The following REXO5 variants were observed in gnomAD, a reference collection of about 807,000 sequenced individuals.
REXO5 encodes exonuclease NEF-sp.
A neutral mutation model predicts 88.5 loss-of-function variants in REXO5; 48 were observed. That is an observed-to-expected ratio of 0.54 (90% CI 0.43 to 0.69). The LOEUF (loss-of-function observed/expected upper bound fraction) is 0.69, where lower values mean the gene tolerates loss of function less well. Ranked by LOEUF, REXO5 falls within the 30% of genes least tolerant of loss-of-function variation. REXO5 has a pLI of 0.00. For missense variants in REXO5, 749 were observed against 912.2 expected, an observed-to-expected ratio of 0.82 and a Z score of 2.30; for synonymous variants, 311 against 336.5, an observed-to-expected ratio of 0.92 and a Z score of 0.83.
At chr16:20,840,956 A>G (rs2081518535) in intron 15 of REXO5, among the ~76,000 whole-genome samples, 1 of 152,176 alleles carries the variant, frequency 6.6e-6, no homozygotes, top group Non-Finnish European at 1.5e-5. Flanking sequence ...AAATGATAAA[A>G]TACTCTTTCA....
intron 14 of REXO5, 78 bp downstream of exon 14, chr16:20,839,937 CTTTA>C (rs1298243284): frequency 7.1e-6 from 6 of 841,106 alleles, no homozygotes; most frequent in East Asian, 5.1e-5. Context: ...GTAATACATG[CTTTA>C]TTTAATTTGT....
In REXO5 at chr16:20,840,432, A is replaced by G. The variant is rs762324334; in HGVS notation, c.1590A>G (p.Pro530=). ...ALKRLFKSFG[P]VQSMTFVLET... ...AGAGGCTGTTTAAAAGCTTTGGCCC[A>G]GTCCAGTCAATGACTTTTGTTCTTG... Residue 530 remains proline (P), a synonymous_variant, in exon 15 of 20, where the codon CCA becomes CCG. Coordinates refer to ENST00000261377, the MANE Select transcript of REXO5 (RefSeq NM_030941.3). 1 of 1,565,452 alleles carries G rather than the reference A, an allele frequency of 6.4e-7. No individual in the cohort carries two copies. The highest frequency in any genetic ancestry group is 1.2e-5 in the South Asian group (1 of 83,786).
intron 3 of REXO5, 38 bp from the exon 4 acceptor site, chr16:20,814,889 C>G (rs751046380): frequency 5.7e-6 from 9 of 1,582,016 alleles, no homozygotes; most frequent in Admixed American, 1.8e-5. Flanking sequence ...TGACTTAAGG[C>G]CATCTGTCTT....
In REXO5 at chr16:20,839,894, G is replaced by A. The variant is rs1007631305; in HGVS notation, c.1488+35G>A. On this transcript the variant is annotated intron_variant, in intron 14 of 19. Transcript: ENST00000261377. ...TGGGTTCTGCTGAATGATTTATTTAGTGACTTATTATAACCTCTCATCATT... is the reference window on the plus strand; with the variant it reads ...TGGGTTCTGCTGAATGATTTATTTAATGACTTATTATAACCTCTCATCATT... 3.0e-6 allele frequency: 4 copies of A among 1,337,504 alleles called. No individual in the cohort carries two copies. In the African/African-American group the frequency reaches 4.3e-5, roughly 15 times the overall value. 82.9% of individuals were successfully genotyped at this position (1,337,504 alleles called of 1,614,324 possible). A position where few individuals can be genotyped will look rare whatever the true frequency, so the allele number is the denominator to read the frequency against.
intron 5 of REXO5, 70 bp from the exon 6 acceptor site, chr16:20,821,692 C>G (rs191075109): frequency 1.4e-6 from 2 of 1,434,490 alleles, no homozygotes. Context: ...GCCTATACAA[C>G]CTTAGGAGAC....
rs183888140 is a variant in REXO5 at position 20,844,887 on chromosome 16, G to A, written c.1936+42G>A. ...GAATGTAGCTTTGGGGAAGGAAACT[G>A]GGGATGGTGATAACATGAGGTCAGA... On this transcript the variant is annotated intron_variant, in intron 17 of 19. Coordinates refer to ENST00000261377, the MANE Select transcript of REXO5 (RefSeq NM_030941.3). 1.9e-4 allele frequency: 299 copies of A among 1,582,392 alleles called. No homozygotes were observed. The African/African-American group carries it at 3.7e-3, about 20-fold the overall frequency.
intron 11 of REXO5, among the ~76,000 whole-genome samples, chr16:20,830,394 C>T (rs1596592995): frequency 6.6e-6 from 1 of 151,496 alleles, no homozygotes; most frequent in African/African-American, 2.4e-5. Context: ...TGGGGTTTCA[C>T]CATGTTGGCC....
At chr16:20,833,534 G>GT (rs551375806) in intron 13 of REXO5, among the ~76,000 whole-genome samples, 10 of 151,202 alleles carry the variant, frequency 6.6e-5, no homozygotes, top group Non-Finnish European at 1.3e-4. Context: ...ATCTGTGTTT[G>GT]TTTTTTTTTA....
chr16:20,812,891 CTT>C (rs1051014200), intron 2 of REXO5, among the ~76,000 whole-genome samples: 1 of 152,180 alleles, frequency 6.6e-6, no homozygotes, highest in African/African-American at 2.4e-5. Flanking sequence ...TTAGCTATTG[CTT>C]TCTCTCCCTA....
chr16:20,815,991 T>C, intron 4 of REXO5, 125 bp from the exon 5 acceptor site: 1 of 727,396 alleles, frequency 1.4e-6, no homozygotes, highest in Non-Finnish European at 2.3e-6. Flanking sequence ...CAGTTCTTAT[T>C]TTAAAATGCT....
chr16:20,828,572 TA>T (rs745706838), intron 11 of REXO5, 35 bp downstream of exon 11: 1 of 1,380,960 alleles, frequency 7.2e-7, no homozygotes. Context: ...CACCTTTTCT[TA>T]AAATCATGGG....
chr16:20,846,171 G>A (rs139864855), intron 18 of REXO5, 50 bp from the exon 19 acceptor site: 2 of 1,410,796 alleles, frequency 1.4e-6, no homozygotes, highest in Non-Finnish European at 2.0e-6. Context: ...CCTTCCAAAG[G>A]TAACGAGAGA....
chr16:20,808,241 A>C (rs949844420), intron 2 of REXO5, among the ~76,000 whole-genome samples: 6 of 152,202 alleles, frequency 3.9e-5, no homozygotes, highest in African/African-American at 1.4e-4. Flanking sequence ...CAATAGGGGA[A>C]TAAAAAGGCT....
chr16:20,833,974 T>C (rs1476052704), intron 13 of REXO5, among the ~76,000 whole-genome samples: 1 of 152,250 alleles, frequency 6.6e-6, no homozygotes, highest in Non-Finnish European at 1.5e-5. Context: ...TCTAGGGTCA[T>C]GTATTACAAT....
At chr16:20,813,023 C>T (rs975087011) in intron 2 of REXO5, among the ~76,000 whole-genome samples, 167 bp from the exon 3 acceptor site, 1 of 152,134 alleles carries the variant, frequency 6.6e-6, no homozygotes, top group African/African-American at 2.4e-5. Context: ...AATGTCATAC[C>T]TACCACATAT....
chr16:20,831,746 T>A (rs1377982343), intron 11 of REXO5, among the ~76,000 whole-genome samples: 1 of 151,310 alleles, frequency 6.6e-6, no homozygotes, highest in African/African-American at 2.4e-5. Context: ...TTTTAAAAAA[T>A]TTTCCTGTAA....
At chr16:20,837,827 C>T (rs1364325392) in intron 13 of REXO5, among the ~76,000 whole-genome samples, 2 of 152,048 alleles carry the variant, frequency 1.3e-5, no homozygotes, top group Non-Finnish European at 2.9e-5. Context: ...AGTGCAGTGG[C>T]GTGAGCAGAG....
chr16:20,824,248 A>G (rs2081228260), intron 6 of REXO5, among the ~76,000 whole-genome samples, 191 bp from the exon 7 acceptor site: 2 of 152,306 alleles, frequency 1.3e-5, no homozygotes, highest in South Asian at 4.1e-4. Flanking sequence ...TTCTTTCAAT[A>G]TAAAAATGAG....
intron 1 of REXO5, 99 bp from the exon 2 acceptor site, chr16:20,806,853 G>A: frequency 6.8e-7 from 1 of 1,461,406 alleles, no homozygotes; most frequent in Non-Finnish European, 9.1e-7. Flanking sequence ...GAGGGAGGTT[G>A]AAAGCTGTCA....
Sources: gnomAD v4.1 joint callset for allele counts (sites outside exome capture counted in the v4.1 genomes callset) on GRCh38, gnomAD v4.1.1 for gene constraint, MANE v1.5 for transcripts, NCBI Gene and HGNC (gene_info 2026-07-23, HGNC 2026-07-21) for gene names.